GLIS3: variants seen among roughly 807,000 people sequenced by gnomAD.
GLIS3 encodes zinc finger protein GLIS3.
GLIS3 carries 53 observed loss-of-function variants against 78.6 expected under a neutral mutation model. That is an observed-to-expected ratio of 0.67 (90% CI 0.54 to 0.85). GLIS3 has a LOEUF of 0.85. GLIS3 is among the 40% of genes least tolerant of loss of function. The pLI, the probability that GLIS3 is intolerant of heterozygous loss-of-function variation, is 0.00. For missense variants in GLIS3, 1,703 were observed against 1,231.1 expected, an observed-to-expected ratio of 1.38 and a Z score of -5.74; for synonymous variants, 684 against 509.9, an observed-to-expected ratio of 1.34 and a Z score of -4.60.
intron 2 of GLIS3, among the ~76,000 whole-genome samples, chr9:4,144,132 C>A (rs942665682): frequency 6.6e-6 from 1 of 152,114 alleles, no homozygotes; most frequent in African/African-American, 2.4e-5. Context: ...GAACAAAGAT[C>A]GAGAAACCTT....
chr9:4,235,391 G>C (rs772607623), intron 2 of GLIS3, among the ~76,000 whole-genome samples: 5 of 151,718 alleles, frequency 3.3e-5, no homozygotes, highest in Non-Finnish European at 7.4e-5. Context: ...GAAGGCTCAT[G>C]CATGTGCCAC....
chr9:4,069,639 T>A (rs931446981), intron 4 of GLIS3, among the ~76,000 whole-genome samples: 2 of 152,078 alleles, frequency 1.3e-5, no homozygotes, highest in African/African-American at 4.8e-5. Flanking sequence ...TACCTTCAGA[T>A]TGAGGTGAGA....
At chr9:3,894,851 G>A (rs374083442) in intron 7 of GLIS3, among the ~76,000 whole-genome samples, 11 of 151,840 alleles carry the variant, frequency 7.2e-5, no homozygotes, top group African/African-American at 1.5e-4. Context: ...CCTTCTTCTC[G>A]TAGATTTCTC....
intron 4 of GLIS3, among the ~76,000 whole-genome samples, chr9:4,041,922 T>C (rs1222164143): frequency 1.3e-5 from 2 of 152,302 alleles, no homozygotes; most frequent in South Asian, 2.1e-4. Context: ...CAAACCTTGA[T>C]ATGACTCTGC....
intron 2 of GLIS3, among the ~76,000 whole-genome samples, chr9:4,129,935 A>C (rs1832850010): frequency 6.6e-6 from 1 of 152,212 alleles, no homozygotes; most frequent in Non-Finnish European, 1.5e-5. Context: ...TGGACAGTGA[A>C]GTCCAGGCTG....
chr9:4,336,419 C>T (rs992824380), intron 2 of GLIS3, among the ~76,000 whole-genome samples: 1 of 152,194 alleles, frequency 6.6e-6, no homozygotes, highest in Non-Finnish European at 1.5e-5. Flanking sequence ...GGTGGCAGTT[C>T]TGGGTCAGGG....
chr9:4,244,233 T>C (rs1240303342), intron 2 of GLIS3, among the ~76,000 whole-genome samples: 1 of 152,220 alleles, frequency 6.6e-6, no homozygotes, highest in South Asian at 2.1e-4. Context: ...GCTCATGTCC[T>C]TCATTGCCTG....
At chr9:4,231,991 C>G (rs1331631683) in intron 2 of GLIS3, among the ~76,000 whole-genome samples, 1 of 152,116 alleles carries the variant, frequency 6.6e-6, no homozygotes, top group Non-Finnish European at 1.5e-5. Context: ...AACCAGAAAG[C>G]AAGAAAAATA....
At chr9:4,257,878 GTA>G (rs575656101) in intron 2 of GLIS3, among the ~76,000 whole-genome samples, 9 of 152,036 alleles carry the variant, frequency 5.9e-5, no homozygotes, top group African/African-American at 2.2e-4. Context: ...CGGCCAACAT[GTA>G]TATGTTTAAT....
chr9:4,061,281 G>C (rs1347586668), intron 4 of GLIS3, among the ~76,000 whole-genome samples: 1 of 137,070 alleles, frequency 7.3e-6, no homozygotes, highest in Non-Finnish European at 1.5e-5. Context: ...TGTTCTAACT[G>C]TTCAATTCCC....
chr9:4,330,856 G>T (rs998046590), intron 2 of GLIS3, among the ~76,000 whole-genome samples: 1 of 152,152 alleles, frequency 6.6e-6, no homozygotes. Context: ...GGCGAGCCAG[G>T]AGTGGGTTAA....
chr9:4,420,854 G>A, the GLIS3 span, among the ~76,000 whole-genome samples: 1 of 152,050 alleles, frequency 6.6e-6, no homozygotes, highest in Non-Finnish European at 1.5e-5. Context: ...AGTTATAATA[G>A]CCACCTGAAA....
chr9:4,472,893 A>G, the GLIS3 span, among the ~76,000 whole-genome samples: 1 of 152,202 alleles, frequency 6.6e-6, no homozygotes, highest in African/African-American at 2.4e-5. Context: ...TGTAAAAATC[A>G]ACTATATTTC....
chr9:4,000,266 T>C (rs549587460), intron 4 of GLIS3, among the ~76,000 whole-genome samples: 27 of 152,260 alleles, frequency 1.8e-4, no homozygotes, highest in African/African-American at 6.3e-4. Context: ...TTATATACAC[T>C]TCAAAAGCAG....
At chr9:4,437,974 C>A in the GLIS3 span, among the ~76,000 whole-genome samples, 2 of 152,106 alleles carry the variant, frequency 1.3e-5, no homozygotes, top group Non-Finnish European at 2.9e-5. Flanking sequence ...CAACAGTGGG[C>A]TATTCATAGT....
intron 2 of GLIS3, among the ~76,000 whole-genome samples, chr9:4,267,023 G>C (rs1430621741): frequency 6.6e-6 from 1 of 152,060 alleles, no homozygotes; most frequent in Admixed American, 6.6e-5. Flanking sequence ...ATCAAGACTT[G>C]GAAAATGTTG....
At chr9:4,158,382 G>A (rs763091228) in intron 2 of GLIS3, among the ~76,000 whole-genome samples, 24 of 152,146 alleles carry the variant, frequency 1.6e-4, no homozygotes, top group Non-Finnish European at 2.5e-4. Flanking sequence ...CCTCTGTCAC[G>A]GAATTATCTG....
rs1028721129 is a variant in GLIS3 at position 3,873,676 on chromosome 9, GAAAAT to G, written c.2297+5746_2297+5750del. Among the ~76,000 whole-genome samples the G allele has an allele frequency of 6.3e-3, 926 of 146,972 alleles. 11 individuals carry two copies. Among genetic ancestry groups the G allele is most frequent in the African/African-American group, 0.024 (889 of 36,920 alleles). On this transcript the variant is annotated intron_variant, in intron 8 of 10. Transcript: ENST00000381971. ...AAATAAAATAAAGATAAAAAATAAA[GAAAAT>G]AAAGTCAAAGAAAAAGTCAAAGTTA...
chr9:3,909,555 TAGC>T (rs1823990092), intron 6 of GLIS3, among the ~76,000 whole-genome samples: 1 of 152,190 alleles, frequency 6.6e-6, no homozygotes, highest in African/African-American at 2.4e-5. Flanking sequence ...CCTATTTAGT[TAGC>T]AGTGACTCCA....
Sources: allele counts gnomAD v4.1 joint callset (sites outside exome capture counted in the v4.1 genomes callset), GRCh38; gene constraint gnomAD v4.1.1; transcripts MANE v1.5; gene names NCBI Gene and HGNC (gene_info 2026-07-23, HGNC 2026-07-21).